MGRN1: variants seen among roughly 807,000 people sequenced by gnomAD.
MGRN1 encodes E3 ubiquitin-protein ligase MGRN1.
In MGRN1, 29 loss-of-function variants were observed where a neutral mutation model predicts 69.2. That is an observed-to-expected ratio of 0.42 (90% confidence interval 0.31 to 0.57). The LOEUF (loss-of-function observed/expected upper bound fraction) is 0.57. MGRN1 is among the 20% of genes least tolerant of loss of function. MGRN1 has a pLI of 0.15. For missense variants in MGRN1, 998 were observed against 796.2 expected (o/e 1.25, Z -3.05); for synonymous variants, 470 against 344.2 (o/e 1.37, Z -4.04).
chr16:4,653,353 GA>G (rs1387247072), intron 4 of MGRN1, among the ~76,000 whole-genome samples: 1 of 152,188 alleles, frequency 6.6e-6, no homozygotes, highest in East Asian at 1.9e-4. Context: ...AAGCTCTCCT[GA>G]AAACCCCATT....
In MGRN1 at chr16:4,688,523, C is replaced by T. The variant is rs115174228; in HGVS notation, c.1619-273C>T. The T allele has an allele frequency of 1.1e-3, 1,407 of 1,233,208 alleles. 2 individuals carry two copies. Among genetic ancestry groups the T allele is most frequent in the Middle Eastern group, 2.5e-3 (8 of 3,142 alleles). The allele number at this position is 1,233,208 out of a possible 1,614,324, so 76.4% of individuals were successfully genotyped here. The stretch of plus-strand genomic sequence containing the variant: ...GCCCAGAGGGCATCCACCGCGGTGC[C>T]GTGTCGCGCTCTGACTCGGGGCTGC... On this transcript the variant is annotated intron_variant, in intron 16 of 16. Transcript: ENST00000262370.
At chr16:4,668,370 C>G in intron 8 of MGRN1, 58 bp downstream of exon 8, 2 of 1,571,602 alleles carry the variant, frequency 1.3e-6, no homozygotes, top group South Asian at 1.1e-5. Context: ...TATACAATCA[C>G]TCACACGCAT....
chr16:4,633,963 T>A (rs1898147270), intron 1 of MGRN1: 1 of 152,142 alleles, frequency 6.6e-6, no homozygotes, highest in Admixed American at 6.5e-5. Context: ...GTGATAAAAA[T>A]TTTTTTAAAA....
At chr16:4,668,474 CACAT>C (rs932795004) in intron 8 of MGRN1, among the ~76,000 whole-genome samples, 162 bp downstream of exon 8, 13 of 152,004 alleles carry the variant, frequency 8.6e-5, no homozygotes, top group East Asian at 1.9e-4. Context: ...TATACGGACA[CACAT>C]ACATACCATC....
intron 16 of MGRN1, chr16:4,687,867 T>A: frequency 1.0e-6 from 1 of 985,454 alleles, no homozygotes; most frequent in Non-Finnish European, 1.2e-6. Context: ...ACCTCTGTCT[T>A]CTTGAGCCCA....
intron 4 of MGRN1, among the ~76,000 whole-genome samples, chr16:4,654,802 G>T (rs1011565580): frequency 2.0e-5 from 3 of 152,190 alleles, no homozygotes; most frequent in African/African-American, 7.2e-5. Context: ...ATGTGGGGAG[G>T]TTCTTAGGGA....
intron 11 of MGRN1, 146 bp from the exon 12 acceptor site, chr16:4,679,886 G>C: frequency 1.3e-6 from 1 of 759,780 alleles, no homozygotes; most frequent in Non-Finnish European, 2.2e-6. Context: ...CCCTCACTTA[G>C]GACAGTCCCG....
chr16:4,632,596 G>A (rs865181), intron 1 of MGRN1, among the ~76,000 whole-genome samples: 10 of 152,114 alleles, frequency 6.6e-5, no homozygotes, highest in East Asian at 1.9e-4. Flanking sequence ...TGGTTTCACC[G>A]TGTTAGCCAG....
intron 12 of MGRN1, among the ~76,000 whole-genome samples, chr16:4,681,005 C>G (rs1373209460): frequency 1.3e-5 from 2 of 152,240 alleles, no homozygotes; most frequent in Non-Finnish European, 2.9e-5. Flanking sequence ...TTCCTTCTTC[C>G]TCAGCCTTGT....
At chr16:4,626,294 C>T (rs562422332) in intron 1 of MGRN1, among the ~76,000 whole-genome samples, 7 of 152,310 alleles carry the variant, frequency 4.6e-5, no homozygotes, top group African/African-American at 7.2e-5. Flanking sequence ...GGCCCAGCAG[C>T]GGGTCAGCCT....
At chr16:4,680,316 T>A in intron 12 of MGRN1, 1 of 537,478 alleles carries the variant, frequency 1.9e-6, no homozygotes, top group Non-Finnish European at 3.3e-6. Flanking sequence ...CCCGCCGCCC[T>A]CCCCTCAGCT....
intron 10 of MGRN1, among the ~76,000 whole-genome samples, chr16:4,675,331 G>A (rs112390503): frequency 2.0e-5 from 3 of 152,016 alleles, no homozygotes; most frequent in Non-Finnish European, 4.4e-5. Flanking sequence ...GCCTGGTCTC[G>A]AACTCTTGGG....
In MGRN1 at chr16:4,625,736, G is replaced by T. The variant is rs574261597; in HGVS notation, c.88+688G>T. Reference sequence around the variant, plus strand: ...CCGGGACCAGCTGTGGGGCTCCCACGTAGCTTTGTTCCCAGCTCTCTTTCT... The same window carrying T: ...CCGGGACCAGCTGTGGGGCTCCCACTTAGCTTTGTTCCCAGCTCTCTTTCT... On this transcript the variant is annotated intron_variant, in intron 1 of 16. Coordinates refer to ENST00000262370, the MANE Select transcript of MGRN1 (RefSeq NM_015246.4). Among the ~76,000 whole-genome samples, 8 of 152,366 alleles carry T rather than the reference G, an allele frequency of 5.3e-5. 1 individual carries two copies. The highest frequency in any genetic ancestry group is 4.1e-4 in the South Asian group (2 of 4,832).
chr16:4,681,107 C>A (rs993461873), intron 12 of MGRN1, among the ~76,000 whole-genome samples: 2 of 152,240 alleles, frequency 1.3e-5, no homozygotes, highest in East Asian at 3.9e-4. Context: ...CCCAGAGGCC[C>A]GGGCAGGGCA....
At chr16:4,662,904 G>C (rs192872734) in intron 5 of MGRN1, among the ~76,000 whole-genome samples, 74 of 152,322 alleles carry the variant, frequency 4.9e-4, no homozygotes, top group South Asian at 3.7e-3. Flanking sequence ...GGACATCCGT[G>C]GGGGTGGTTG....
intron 5 of MGRN1, among the ~76,000 whole-genome samples, chr16:4,660,597 T>C (rs2141909404): frequency 6.6e-6 from 1 of 152,026 alleles, no homozygotes; most frequent in East Asian, 1.9e-4. Context: ...AGCGAAGGGG[T>C]GGGCAGGGGC....
Position 4,689,065 on chromosome 16 carries a change from A to T in MGRN1, c.*157A>T. ...TGACTCTTGATCAAAGAGCACAGTG[A>T]ACTGTCCCTTCTGAGTCTCCCTTTT... On this transcript the variant is annotated 3_prime_UTR_variant, in exon 17 of 17. Coordinates refer to ENST00000262370, the MANE Select transcript of MGRN1 (RefSeq NM_015246.4). 1.0e-6 allele frequency: 1 copy of T among 991,736 alleles called. No homozygotes were observed. The highest frequency in any genetic ancestry group is 2.7e-5 in the East Asian group (1 of 36,936). 61.4% of individuals were successfully genotyped at this position (991,736 alleles called of 1,614,324 possible). A position where few individuals can be genotyped will look rare whatever the true frequency, so the allele number is the denominator to read the frequency against.
intron 16 of MGRN1, chr16:4,688,532 C>T (rs1425015559): frequency 1.6e-6 from 2 of 1,251,146 alleles, no homozygotes; most frequent in Non-Finnish European, 1.0e-6. Flanking sequence ...CCGTGTCGCG[C>T]TCTGACTCGG....
chr16:4,660,846 C>T (rs2078661569), intron 5 of MGRN1, among the ~76,000 whole-genome samples: 1 of 152,224 alleles, frequency 6.6e-6, no homozygotes, highest in South Asian at 2.1e-4. Context: ...CTGACAGGCC[C>T]CCCAGACCGG....
Sources: gnomAD v4.1 joint callset for allele counts (sites outside exome capture counted in the v4.1 genomes callset) on GRCh38, gnomAD v4.1.1 for gene constraint, MANE v1.5 for transcripts, NCBI Gene and HGNC (gene_info 2026-07-23, HGNC 2026-07-21) for gene names.